The following SLC38A12 variants were observed in gnomAD, a reference collection of about 807,000 sequenced individuals.
The protein encoded by SLC38A12 is putative sodium-coupled neutral amino acid transporter 12.
At chr17:74,835,819 ACT>A in the SLC38A12 span, 4 of 1,497,344 alleles carry the variant, frequency 2.7e-6, no homozygotes, top group East Asian at 9.1e-5. Flanking sequence ...GCATTTAATG[ACT>A]CTTTCTCACA....
At chr17:74,788,683 A>G in the SLC38A12 span, 12 of 849,646 alleles carry the variant, frequency 1.4e-5, no homozygotes, top group Admixed American at 7.5e-5. Context: ...AGAAAAGAGA[A>G]TGGTCTGGGC....
the SLC38A12 span, chr17:74,788,693 C>T: frequency 2.0e-6 from 2 of 986,728 alleles, no homozygotes; most frequent in South Asian, 1.5e-5. Context: ...ATGGTCTGGG[C>T]TGGTGGGTCT....
At chr17:74,834,779 A>G in the SLC38A12 span, among the ~76,000 whole-genome samples, 2 of 152,256 alleles carry the variant, frequency 1.3e-5, no homozygotes, top group African/African-American at 4.8e-5. Context: ...GTGAGGGCAC[A>G]GGCTAGAGAG....
chr17:74,837,379 G>A, the SLC38A12 span: 43 of 985,540 alleles, frequency 4.4e-5, no homozygotes, highest in Non-Finnish European at 5.1e-5. Flanking sequence ...CCTTCTACAG[G>A]GACACAGCCG....
chr17:74,806,806 G>T, the SLC38A12 span, among the ~76,000 whole-genome samples: 1 of 152,082 alleles, frequency 6.6e-6, no homozygotes, highest in Non-Finnish European at 1.5e-5. Context: ...TATACTCCTA[G>T]TTCAAAGGAT....
chr17:74,836,882 C>T, the SLC38A12 span: 16 of 1,380,536 alleles, frequency 1.2e-5, no homozygotes, highest in Admixed American at 3.3e-5. The surrounding 1 kb of genome is among the most constrained non-coding windows in gnomAD (Gnocchi z 4.2). Flanking sequence ...CTCACTCCCC[C>T]GGGCAGCTCT....
the SLC38A12 span, among the ~76,000 whole-genome samples, chr17:74,810,730 A>G: frequency 1.3e-5 from 2 of 152,228 alleles, no homozygotes; most frequent in Non-Finnish European, 2.9e-5. Context: ...AGAACATTTT[A>G]GGAAGCTCAT....
At chr17:74,838,053 C>G in the SLC38A12 span, 2 of 985,766 alleles carry the variant, frequency 2.0e-6, no homozygotes, top group South Asian at 4.7e-5. Context: ...TAGGGTCTCC[C>G]GGGGCCCAAG....
the SLC38A12 span, among the ~76,000 whole-genome samples, chr17:74,827,134 A>G: frequency 6.6e-6 from 1 of 151,858 alleles, no homozygotes; most frequent in East Asian, 1.9e-4. This position sits in a 1 kb window ranked among gnomAD's most constrained non-coding sequence, Gnocchi z 4.7. Flanking sequence ...GCACTGACAC[A>G]GTTTTTTCTG....
At chr17:74,810,831 G>A in the SLC38A12 span, among the ~76,000 whole-genome samples, 1 of 152,220 alleles carries the variant, frequency 6.6e-6, no homozygotes, top group Non-Finnish European at 1.5e-5. Context: ...CAGAGTTTTG[G>A]CAAATAAGCT....
chr17:74,805,395 A>G, the SLC38A12 span, among the ~76,000 whole-genome samples: 1 of 152,162 alleles, frequency 6.6e-6, no homozygotes, highest in Non-Finnish European at 1.5e-5. This position sits in a 1 kb window ranked among gnomAD's most constrained non-coding sequence, Gnocchi z 5.0. Context: ...GGTACCTCCC[A>G]TGTCCCTAGC....
chr17:74,813,682 G>A, the SLC38A12 span, among the ~76,000 whole-genome samples: 1 of 152,090 alleles, frequency 6.6e-6, no homozygotes, highest in Non-Finnish European at 1.5e-5. Context: ...TGTATTTTTA[G>A]TAGAGACGGG....
At chr17:74,799,439 A>T in the SLC38A12 span, among the ~76,000 whole-genome samples, 16 of 152,304 alleles carry the variant, frequency 1.1e-4, no homozygotes, top group East Asian at 3.1e-3. Context: ...CCTGCCTTGA[A>T]CACAGGAGCT....
the SLC38A12 span, among the ~76,000 whole-genome samples, chr17:74,783,040 A>T: frequency 1.3e-5 from 2 of 152,252 alleles, no homozygotes; most frequent in African/African-American, 4.8e-5. Flanking sequence ...CTGAGGCAGG[A>T]GAATCACTTG....
the SLC38A12 span, among the ~76,000 whole-genome samples, chr17:74,818,272 A>G: frequency 6.6e-6 from 1 of 152,100 alleles, no homozygotes. Context: ...AGCCTGATAG[A>G]AAGAAAGACT....
chr17:74,798,799 C>A, the SLC38A12 span, among the ~76,000 whole-genome samples: 4 of 143,640 alleles, frequency 2.8e-5, no homozygotes, highest in Admixed American at 2.8e-4. Flanking sequence ...GTGAGATGCT[C>A]CAGCTCTTTC....
the SLC38A12 span, among the ~76,000 whole-genome samples, chr17:74,832,727 G>A: frequency 4.6e-5 from 7 of 152,208 alleles, no homozygotes; most frequent in Admixed American, 2.0e-4. Flanking sequence ...GGGAGTTCAC[G>A]AAAGCCCACA....
At chr17:74,826,872 G>A in the SLC38A12 span, among the ~76,000 whole-genome samples, 7 of 152,192 alleles carry the variant, frequency 4.6e-5, no homozygotes, top group African/African-American at 1.7e-4. Flanking sequence ...GCGGTGGTGG[G>A]GGTAGGCGGG....
chr17:74,824,064 A>G, the SLC38A12 span, among the ~76,000 whole-genome samples: 1 of 152,174 alleles, frequency 6.6e-6, no homozygotes, highest in Non-Finnish European at 1.5e-5. Context: ...GGGGCTGGCC[A>G]TGAGACTGGG....
Sources: gnomAD v4.1 joint callset for allele counts (sites outside exome capture counted in the v4.1 genomes callset) on GRCh38, gnomAD v4.1.1 for gene constraint, Gnocchi (gnomAD v3.1) non-coding constraint, MANE v1.5 for transcripts, NCBI Gene and HGNC (gene_info 2026-07-23, HGNC 2026-07-21) for gene names.